The following SLC9D1 variants were observed in gnomAD, a reference collection of about 807,000 sequenced individuals.
The protein encoded by SLC9D1 is solute carrier family 9 member D1.
At chr13:113,495,280 C>T in the SLC9D1 span, among the ~76,000 whole-genome samples, 1 of 152,232 alleles carries the variant, frequency 6.6e-6, no homozygotes, top group Non-Finnish European at 1.5e-5. Flanking sequence ...TGTAGCTGAC[C>T]TTTAATCATC....
chr13:113,544,063 T>C, the SLC9D1 span, among the ~76,000 whole-genome samples: 1 of 152,214 alleles, frequency 6.6e-6, no homozygotes, highest in African/African-American at 2.4e-5. Flanking sequence ...GGACCCGATA[T>C]CCACTTCAGG....
At chr13:113,503,384 TATGTGTG>T in the SLC9D1 span, 1 of 624,192 alleles carries the variant, frequency 1.6e-6, no homozygotes, top group Non-Finnish European at 2.8e-6. Context: ...TGTGTGTGTG[TATGTGTG>T]TTTTGGATAC....
the SLC9D1 span, among the ~76,000 whole-genome samples, chr13:113,521,391 TATC>T: frequency 6.7e-6 from 1 of 148,838 alleles, no homozygotes; most frequent in South Asian, 2.1e-4. Flanking sequence ...GTATGAGAGC[TATC>T]ATTGTATGGT....
chr13:113,546,462 G>A, the SLC9D1 span, among the ~76,000 whole-genome samples: 3 of 152,262 alleles, frequency 2.0e-5, no homozygotes, highest in East Asian at 5.8e-4. The surrounding 1 kb of genome is among the most constrained non-coding windows in gnomAD (Gnocchi z 7.1). Flanking sequence ...AAGACTGGGT[G>A]GCCAGAGAAG....
At chr13:113,492,662 C>T in the SLC9D1 span, among the ~76,000 whole-genome samples, 2 of 152,202 alleles carry the variant, frequency 1.3e-5, no homozygotes, top group Admixed American at 1.3e-4. Flanking sequence ...CTTTGGGAGG[C>T]TGAGGTGGGT....
At chr13:113,525,758 G>T in the SLC9D1 span, among the ~76,000 whole-genome samples, 1 of 151,586 alleles carries the variant, frequency 6.6e-6, no homozygotes, top group Admixed American at 6.6e-5. Flanking sequence ...ACAAGCCATC[G>T]TCGTCGTAGG....
At chr13:113,526,255 G>A in the SLC9D1 span, among the ~76,000 whole-genome samples, 7 of 152,100 alleles carry the variant, frequency 4.6e-5, no homozygotes, top group South Asian at 2.1e-4. Context: ...AGAAAAAAAC[G>A]TATAGAATAA....
At chr13:113,545,134 C>T in the SLC9D1 span, among the ~76,000 whole-genome samples, 2 of 152,244 alleles carry the variant, frequency 1.3e-5, no homozygotes, top group South Asian at 4.1e-4. Context: ...TGCGCCCCCG[C>T]CAGCCTCGCT....
the SLC9D1 span, among the ~76,000 whole-genome samples, chr13:113,520,981 C>G: frequency 5.8e-3 from 886 of 152,186 alleles, 6 homozygotes; most frequent in African/African-American, 0.021. Context: ...GGTAGTAGTA[C>G]CCACTGATGG....
the SLC9D1 span, chr13:113,495,688 A>G: frequency 6.2e-7 from 1 of 1,612,280 alleles, no homozygotes. Context: ...ATCAAACTGC[A>G]CCGCGGGCGA....
the SLC9D1 span, chr13:113,528,013 C>T: frequency 6.6e-6 from 1 of 152,138 alleles, no homozygotes; most frequent in African/African-American, 2.4e-5. Flanking sequence ...TTTATGTAGC[C>T]TTTATTTCTT....
the SLC9D1 span, among the ~76,000 whole-genome samples, chr13:113,542,694 G>C: frequency 6.6e-6 from 1 of 152,188 alleles, no homozygotes; most frequent in African/African-American, 2.4e-5. Context: ...GAATCACAAG[G>C]GATCTGGTGT....
the SLC9D1 span, among the ~76,000 whole-genome samples, chr13:113,512,233 G>A: frequency 3.2e-5 from 4 of 125,536 alleles, no homozygotes; most frequent in South Asian, 1.1e-3. Flanking sequence ...ACTCGGAGTC[G>A]CGGGGGCCGG....
chr13:113,549,677 A>C, the SLC9D1 span: 1 of 1,001,872 alleles, frequency 1.0e-6, no homozygotes, highest in South Asian at 1.3e-5. Context: ...CAGTCGTGTT[A>C]TCCCGGCTTT....
chr13:113,527,223 A>G, the SLC9D1 span: 2 of 152,216 alleles, frequency 1.3e-5, no homozygotes, highest in Non-Finnish European at 2.9e-5. Flanking sequence ...ACTCAGGAGG[A>G]AAAGGATAAT....
the SLC9D1 span, chr13:113,510,554 A>G: frequency 1.6e-5 from 13 of 799,070 alleles, no homozygotes; most frequent in Admixed American, 2.5e-4. Flanking sequence ...TTTCCTAACC[A>G]TGGTGGATAC....
chr13:113,532,303 C>G, the SLC9D1 span, among the ~76,000 whole-genome samples: 1 of 152,318 alleles, frequency 6.6e-6, no homozygotes, highest in South Asian at 2.1e-4. Flanking sequence ...CCGTGAGCCC[C>G]CAGACGCACA....
the SLC9D1 span, chr13:113,549,543 T>G: frequency 3.1e-6 from 5 of 1,613,868 alleles, no homozygotes; most frequent in Admixed American, 8.3e-5. Context: ...CTCTGATGGC[T>G]CGGAGATGAT....
chr13:113,496,379 T>G, the SLC9D1 span, among the ~76,000 whole-genome samples: 1 of 152,224 alleles, frequency 6.6e-6, no homozygotes, highest in Non-Finnish European at 1.5e-5. Flanking sequence ...ATAACTTAAA[T>G]CAACATTTGC....
Sources: gnomAD v4.1 joint callset for allele counts (sites outside exome capture counted in the v4.1 genomes callset) on GRCh38, gnomAD v4.1.1 for gene constraint, Gnocchi (gnomAD v3.1) non-coding constraint, MANE v1.5 for transcripts, NCBI Gene and HGNC (gene_info 2026-07-23, HGNC 2026-07-21) for gene names.